Variants in DTNB observed in about 807,000 individuals in gnomAD.
The protein encoded by DTNB is dystrobrevin beta.
DTNB carries 63 observed loss-of-function variants against 90.7 expected under a neutral mutation model. That is an observed-to-expected ratio of 0.69 (90% CI 0.57 to 0.86). The LOEUF (loss-of-function observed/expected upper bound fraction) is 0.86, where lower values mean the gene tolerates loss of function less well. DTNB is among the 40% of genes least tolerant of loss of function. The pLI is 0.00. For missense variants in DTNB, 744 were observed against 807.1 expected, an observed-to-expected ratio of 0.92 and a Z score of 0.95; for synonymous variants, 277 against 286.7, an observed-to-expected ratio of 0.97 and a Z score of 0.34.
At position 25,566,293 on chromosome 2, in the gene DTNB, A is replaced by G. The variant is rs1017229979; in HGVS notation, c.876+10545T>C. On this transcript the variant is annotated intron_variant, in intron 8 of 20. Coordinates refer to ENST00000406818, the MANE Select transcript of DTNB (RefSeq NM_021907.5). Reference sequence around the variant, plus strand: ...GGACCTCAGCACCACAGGTGCAACTAAACAAATTGTGCGAACAGGGAGCCA... The same window carrying G: ...GGACCTCAGCACCACAGGTGCAACTGAACAAATTGTGCGAACAGGGAGCCA... Among the ~76,000 whole-genome samples the G allele has an allele frequency of 1.2e-4, 19 of 152,162 alleles. 1 individual carries two copies. The highest frequency in any genetic ancestry group is 4.6e-4 in the African/African-American group (19 of 41,446).
chr2:25,415,456 A>G (rs1379609540), intron 16 of DTNB, among the ~76,000 whole-genome samples: 1 of 152,078 alleles, frequency 6.6e-6, no homozygotes, highest in Non-Finnish European at 1.5e-5. Flanking sequence ...TATGTTGGCC[A>G]GGCTGGACCA....
At chr2:25,430,360 C>T (rs1183707182) in intron 14 of DTNB, among the ~76,000 whole-genome samples, 1 of 152,114 alleles carries the variant, frequency 6.6e-6, no homozygotes, top group Non-Finnish European at 1.5e-5. Flanking sequence ...GAAGGATCTA[C>T]TCATTCAATG....
chr2:25,652,744 C>A, intron 1 of DTNB, 83 bp from the exon 2 acceptor site: 2 of 1,426,048 alleles, frequency 1.4e-6, no homozygotes, highest in East Asian at 2.4e-5. Flanking sequence ...TGAAGAGGGA[C>A]CGGAAACCAA....
chr2:25,511,217 T>A (rs975813249), intron 9 of DTNB, among the ~76,000 whole-genome samples: 4 of 152,234 alleles, frequency 2.6e-5, no homozygotes, highest in African/African-American at 9.6e-5. Flanking sequence ...AAAGGTATTC[T>A]TTTGTTCAGC....
At chr2:25,528,233 T>C (rs894156841) in intron 9 of DTNB, among the ~76,000 whole-genome samples, 3 of 152,230 alleles carry the variant, frequency 2.0e-5, no homozygotes, top group African/African-American at 7.2e-5. Context: ...AAAGCATTTT[T>C]ATTTCTAGCA....
Position 25,576,890 on chromosome 2 carries a change from T to C in DTNB, c.824A>G (p.His275Arg), listed in dbSNP as rs1013502181. 4 of 1,613,358 alleles carry C rather than the reference T, an allele frequency of 2.5e-6. No individual in the cohort carries two copies. Among genetic ancestry groups the C allele is most frequent in the Non-Finnish European group, 3.4e-6 (4 of 1,179,638 alleles). ...QLCQNCFWRG[H>R]AGGPHSNQHQ... is the part of the protein sequence containing the mutation. ...CTGGTTGCTGTGAGGGCCGCCGGCA[T>C]GGCCACGCCAAAAGCAATTCTGGCA... The change falls in exon 8 of 21, where the codon CAT (histidine) becomes CGT (arginine). Residue 275 changes from histidine to arginine, a missense_variant. Physicochemically the swap from His to Arg is conservative, Grantham distance 29 (BLOSUM62 0). Coordinates refer to ENST00000406818, the MANE Select transcript of DTNB (RefSeq NM_021907.5).
intron 4 of DTNB, 86 bp from the exon 5 acceptor site, chr2:25,607,407 A>G: frequency 7.7e-7 from 1 of 1,291,840 alleles, no homozygotes; most frequent in Non-Finnish European, 1.1e-6. Context: ...GCAACCCAGT[A>G]AGTTGATTCC....
chr2:25,576,626 C>A, intron 8 of DTNB: 1 of 547,010 alleles, frequency 1.8e-6, no homozygotes, highest in East Asian at 3.4e-5. Context: ...TTCAAATGTA[C>A]TATCTTTGTT....
At chr2:25,471,726 A>G (rs1047744387) in intron 10 of DTNB, among the ~76,000 whole-genome samples, 1 of 152,014 alleles carries the variant, frequency 6.6e-6, no homozygotes, top group African/African-American at 2.4e-5. Context: ...TTACCAAATA[A>G]ATGTCATATT....
intron 16 of DTNB, among the ~76,000 whole-genome samples, chr2:25,412,648 T>C (rs2046895478): frequency 6.6e-6 from 1 of 152,210 alleles, no homozygotes; most frequent in African/African-American, 2.4e-5. Context: ...TAACTTCTAA[T>C]AGGAGAGATC....
chr2:25,463,935 C>T (rs1041264718), intron 10 of DTNB, among the ~76,000 whole-genome samples: 2 of 152,218 alleles, frequency 1.3e-5, no homozygotes, highest in African/African-American at 4.8e-5. Flanking sequence ...AGCCTGGGCT[C>T]TGTTGCCCAG....
intron 5 of DTNB, among the ~76,000 whole-genome samples, chr2:25,597,607 AGT>A (rs1325337469): frequency 6.6e-6 from 1 of 152,220 alleles, no homozygotes; most frequent in Non-Finnish European, 1.5e-5. Flanking sequence ...GAAAATCTTC[AGT>A]GTGTCCTCTC....
chr2:25,390,587 G>A (rs2040822425), intron 16 of DTNB, among the ~76,000 whole-genome samples: 1 of 151,774 alleles, frequency 6.6e-6, no homozygotes, highest in Non-Finnish European at 1.5e-5. Flanking sequence ...GGGATTACAG[G>A]TGCGTGTGTG....
intron 9 of DTNB, 137 bp from the exon 10 acceptor site, chr2:25,483,010 G>A (rs981300659): frequency 9.7e-6 from 8 of 825,266 alleles, no homozygotes; most frequent in Non-Finnish European, 1.2e-5. Context: ...GGAGGGGGGG[G>A]ACCCATGGGG....
At chr2:25,580,646 G>A in intron 7 of DTNB, 75 bp downstream of exon 7, 3 of 1,290,982 alleles carry the variant, frequency 2.3e-6, no homozygotes, top group Non-Finnish European at 3.4e-6. Context: ...GATATTAATA[G>A]CTAAGGACAT....
chr2:25,507,852 T>TC (rs1332368145), intron 9 of DTNB, among the ~76,000 whole-genome samples: 3 of 152,138 alleles, frequency 2.0e-5, no homozygotes, highest in Admixed American at 6.5e-5. Context: ...CTAATTTAAC[T>TC]CCCCCTCTAC....
At chr2:25,390,329 A>G (rs1354304170) in intron 16 of DTNB, among the ~76,000 whole-genome samples, 1 of 152,230 alleles carries the variant, frequency 6.6e-6, no homozygotes, top group Non-Finnish European at 1.5e-5. Flanking sequence ...ATAAGGGCTA[A>G]AACTATAAAA....
intron 16 of DTNB, among the ~76,000 whole-genome samples, chr2:25,415,811 AAGCTC>A (rs1558425271): frequency 2.0e-5 from 3 of 152,144 alleles, no homozygotes; most frequent in Non-Finnish European, 4.4e-5. Flanking sequence ...ATGGGGACTG[AAGCTC>A]CTGGACCCTT....
chr2:25,384,770 G>A (rs2038978798), intron 18 of DTNB, among the ~76,000 whole-genome samples: 1 of 152,188 alleles, frequency 6.6e-6, no homozygotes, highest in Non-Finnish European at 1.5e-5. Flanking sequence ...AGTTTCCAGT[G>A]ATTAGAGTTG....
Sources: gnomAD v4.1 joint callset for allele counts (sites outside exome capture counted in the v4.1 genomes callset) on GRCh38, gnomAD v4.1.1 for gene constraint, MANE v1.5 for transcripts, NCBI Gene and HGNC (gene_info 2026-07-23, HGNC 2026-07-21) for gene names.